Variants in ULK4 observed in about 807,000 individuals in gnomAD.
ULK4 encodes inactive serine/threonine-protein kinase ULK4.
In ULK4, 133 loss-of-function variants were observed where a neutral mutation model predicts 160.6. The ratio of observed to expected loss-of-function variants is 0.83; its 90% CI spans 0.72 to 0.96. The LOEUF (loss-of-function observed/expected upper bound fraction) is 0.96, where lower values mean the gene tolerates loss of function less well. Among genes scored for constraint, ULK4 ranks in the 40% least tolerant of loss-of-function variants. The pLI, the probability that ULK4 is intolerant of heterozygous loss-of-function variation, is 0.00. For synonymous variants in ULK4, 534 were observed against 539.8 expected, an observed-to-expected ratio of 0.99 and a Z score of 0.15; for missense variants, 1,580 against 1,499.5, an observed-to-expected ratio of 1.05 and a Z score of -0.89.
At chr3:41,826,206 G>A (rs539433893) in intron 18 of ULK4, among the ~76,000 whole-genome samples, 5 of 152,294 alleles carry the variant, frequency 3.3e-5, no homozygotes, top group East Asian at 1.9e-4. Context: ...GCAAAAACAT[G>A]CCAAATTGTA....
At chr3:41,858,147 G>GTTTTTTTT (rs71288052) in intron 17 of ULK4, among the ~76,000 whole-genome samples, 17 of 92,126 alleles carry the variant, frequency 1.8e-4, no homozygotes, top group South Asian at 4.3e-4. Context: ...TTTTTTGTTT[G>GTTTTTTTT]TTTTTTTTTT....
At chr3:41,315,854 T>A (rs74983429) in intron 35 of ULK4, among the ~76,000 whole-genome samples, 1 of 152,108 alleles carries the variant, frequency 6.6e-6, no homozygotes, top group Non-Finnish European at 1.5e-5. Flanking sequence ...TTCCCACCCA[T>A]TGGATGGCCA....
intron 35 of ULK4, among the ~76,000 whole-genome samples, chr3:41,286,938 C>T (rs541531581): frequency 6.6e-6 from 1 of 152,322 alleles, no homozygotes; most frequent in South Asian, 2.1e-4. Context: ...GACCAGAAGA[C>T]TACAGGACCT....
intron 31 of ULK4, among the ~76,000 whole-genome samples, chr3:41,578,748 A>C (rs1309103029): frequency 1.3e-5 from 2 of 152,166 alleles, no homozygotes; most frequent in Non-Finnish European, 2.9e-5. Flanking sequence ...AAACCCACAG[A>C]CCCTACACAT....
At chr3:41,355,895 G>A (rs1490881378) in intron 35 of ULK4, among the ~76,000 whole-genome samples, 1 of 152,194 alleles carries the variant, frequency 6.6e-6, no homozygotes, top group Non-Finnish European at 1.5e-5. Context: ...ATATGCTAAA[G>A]TGAAAGAGCT....
rs780769114 is a variant in ULK4 at position 41,900,747 on chromosome 3, G to T, written c.1265C>A (p.Thr422Asn). The T allele has an allele frequency of 6.8e-6, 11 of 1,613,546 alleles. No homozygotes were observed. Among genetic ancestry groups the T allele is most frequent in the Non-Finnish European group, 9.3e-6 (11 of 1,179,660 alleles). ...LIYTDSDLVV[T>N]PIIDNPKIMK... The stretch of plus-strand genomic sequence containing the variant: ...CACCTTTGGATTGTCGATAATGGGG[G>T]TGACAACAAGATCTGAGTCCGTGTA... Residue 422 changes from threonine (T) to asparagine (N), a missense_variant, in exon 13 of 37, where the codon ACC becomes AAC. Coordinates refer to ENST00000301831, the MANE Select transcript of ULK4 (RefSeq NM_017886.4).
At chr3:41,412,733 G>T (rs1382682551) in intron 34 of ULK4, among the ~76,000 whole-genome samples, 2 of 151,770 alleles carry the variant, frequency 1.3e-5, no homozygotes, top group East Asian at 3.9e-4. Flanking sequence ...CTAATTTGTT[G>T]TATTTTTAGT....
chr3:41,789,591 T>C, intron 21 of ULK4, 70 bp downstream of exon 21: 1 of 1,402,622 alleles, frequency 7.1e-7, no homozygotes, highest in Non-Finnish European at 9.5e-7. Flanking sequence ...ATGACATTAC[T>C]TGTGGAACCA....
At chr3:41,715,160 A>T in intron 25 of ULK4, 77 bp downstream of exon 25, 1 of 1,436,692 alleles carries the variant, frequency 7.0e-7, no homozygotes, top group African/African-American at 1.4e-5. Flanking sequence ...AAATTACCTC[A>T]TTCTGACATC....
chr3:41,569,635 G>A (rs2087901391), intron 31 of ULK4, among the ~76,000 whole-genome samples: 1 of 152,024 alleles, frequency 6.6e-6, no homozygotes, highest in South Asian at 2.1e-4. Context: ...ATCCTACAAA[G>A]CATTCTATTA....
At chr3:41,717,957 C>T (rs1310169718) in intron 22 of ULK4, 96 bp from the exon 23 acceptor site, 1 of 1,406,114 alleles carries the variant, frequency 7.1e-7, no homozygotes, top group South Asian at 1.4e-5. Context: ...CCAGAGGGCA[C>T]CCTCCCAATC....
chr3:41,646,826 A>G (rs2034515989), intron 30 of ULK4, among the ~76,000 whole-genome samples: 2 of 152,242 alleles, frequency 1.3e-5, no homozygotes, highest in South Asian at 4.1e-4. Context: ...ACTTTCAGGT[A>G]CACCAATCAG....
At chr3:41,620,436 T>C (rs953610616) in intron 30 of ULK4, among the ~76,000 whole-genome samples, 4 of 152,174 alleles carry the variant, frequency 2.6e-5, no homozygotes, top group Non-Finnish European at 5.9e-5. Flanking sequence ...GTTGGCTTCA[T>C]CCCTGGGATG....
intron 32 of ULK4, among the ~76,000 whole-genome samples, chr3:41,544,927 G>T (rs551089590): frequency 6.6e-6 from 1 of 152,324 alleles, no homozygotes; most frequent in East Asian, 1.9e-4. Context: ...ATGAAAGAGA[G>T]GACGGGGTCA....
At chr3:41,613,087 C>T (rs1259973574) in intron 31 of ULK4, among the ~76,000 whole-genome samples, 6 of 152,192 alleles carry the variant, frequency 3.9e-5, no homozygotes, top group Non-Finnish European at 5.9e-5. Context: ...ACACAATCTT[C>T]TCATTATGCC....
In ULK4 at chr3:41,657,382, C is replaced by T. The variant is rs138217820; in HGVS notation, c.3071+6225G>A. On this transcript the variant is annotated intron_variant, in intron 30 of 36. Transcript: ENST00000301831. ...ATAATATATACAAACAAAATTAAAA[C>T]GCATATCCTTCAAACAACATGATGC... Among the ~76,000 whole-genome samples, 9 of 152,238 alleles carry T rather than the reference C, an allele frequency of 5.9e-5. No individual in the cohort carries two copies. In the South Asian group the frequency reaches 6.2e-4, roughly 11 times the overall value.
At chr3:41,770,649 C>G (rs1254087329) in intron 21 of ULK4, among the ~76,000 whole-genome samples, 1 of 151,766 alleles carries the variant, frequency 6.6e-6, no homozygotes, top group Non-Finnish European at 1.5e-5. Context: ...TAGCTGGGAC[C>G]ACAAGCACGC....
chr3:41,790,837 T>C (rs1300621473), intron 20 of ULK4, among the ~76,000 whole-genome samples: 7 of 152,262 alleles, frequency 4.6e-5, no homozygotes. Context: ...TGAAAGTTTT[T>C]AAGGAAAGGA....
intron 32 of ULK4, among the ~76,000 whole-genome samples, chr3:41,495,275 A>T (rs889069639): frequency 2.6e-5 from 4 of 152,122 alleles, no homozygotes; most frequent in Admixed American, 6.5e-5. Context: ...ATAATGCCGC[A>T]TATCTACAAC....
Sources: allele counts gnomAD v4.1 joint callset (sites outside exome capture counted in the v4.1 genomes callset), GRCh38; gene constraint gnomAD v4.1.1; transcripts MANE v1.5; gene names NCBI Gene and HGNC (gene_info 2026-07-23, HGNC 2026-07-21).